STIL: variants seen among roughly 807,000 people sequenced by gnomAD.
The protein encoded by STIL is SCL-interrupting locus protein.
STIL carries 55 observed loss-of-function variants against 110.1 expected under a neutral mutation model. The ratio of observed to expected loss-of-function variants is 0.50; its 90% CI spans 0.40 to 0.63. The LOEUF (loss-of-function observed/expected upper bound fraction) is 0.63. Among genes scored for constraint, STIL ranks in the 20% least tolerant of loss-of-function variants. STIL has a pLI of 0.00. For missense variants in STIL, 1,358 were observed against 1,530.0 expected (o/e 0.89, Z 1.87); for synonymous variants, 481 against 530.0 (o/e 0.91, Z 1.27).
intron 2 of STIL, among the ~76,000 whole-genome samples, chr1:47,309,452 T>C (rs1557780046): frequency 6.6e-6 from 1 of 151,386 alleles, no homozygotes; most frequent in Non-Finnish European, 1.5e-5. Flanking sequence ...AAATAAGAGA[T>C]GGCAGGGGGG....
intron 16 of STIL, among the ~76,000 whole-genome samples, chr1:47,256,557 G>T (rs1026954309): frequency 6.7e-6 from 1 of 148,404 alleles, no homozygotes; most frequent in Non-Finnish European, 1.5e-5. Flanking sequence ...GGGGGCGGAG[G>T]TTGCAGTGAG....
chr1:47,294,470 A>G lies in STIL; in HGVS notation c.786-926T>C, dbSNP rs921251661. ...AAATATCATTAACTCAGATGGCTTG[A>G]GCCCAGGAGTTCCAGACCAGCCTGG... On this transcript the variant is annotated intron_variant, in intron 7 of 16. Transcript: ENST00000371877. Among the ~76,000 whole-genome samples the G allele has an allele frequency of 2.0e-5, 3 of 152,234 alleles. 1 individual carries two copies. The highest frequency in any genetic ancestry group is 7.2e-5 in the African/African-American group (3 of 41,458).
At position 47,258,992 on chromosome 1, in the gene STIL, C is replaced by CTTTTTTTTTTTTTTTTTTT. The variant is rs549227243; in HGVS notation, c.3080+1296_3080+1297insAAAAAAAAAAAAAAAAAAA. Among the ~76,000 whole-genome samples the CTTTTTTTTTTTTTTTTTTT allele has an allele frequency of 8.5e-4, 80 of 94,420 alleles. 22 individuals are homozygous for CTTTTTTTTTTTTTTTTTTT. Among genetic ancestry groups the CTTTTTTTTTTTTTTTTTTT allele is most frequent in the African/African-American group, 2.6e-3 (57 of 21,780 alleles). 61.9% of individuals were successfully genotyped at this position (94,420 alleles called of 152,430 possible). A position where few individuals can be genotyped will look rare whatever the true frequency, so the allele number is the denominator to read the frequency against. ...GAAATGGTTAAGAGAAGTAACTTTG[C>CTTTTTTTTTTTTTTTTTTT]TTTTTTTTTTTTTTGAGACAGTCTT... On this transcript the variant is annotated intron_variant, in intron 16 of 16. Coordinates refer to ENST00000371877, the MANE Select transcript of STIL (RefSeq NM_001048166.1).
intron 11 of STIL, 32 bp downstream of exon 11, chr1:47,282,313 C>G (rs747743475): frequency 6.9e-7 from 1 of 1,450,390 alleles, no homozygotes. Context: ...TCTCTAACCA[C>G]AAAAGTGAAT....
intron 16 of STIL, 128 bp downstream of exon 16, chr1:47,260,161 A>T: frequency 1.1e-6 from 1 of 942,504 alleles, no homozygotes; most frequent in Non-Finnish European, 1.6e-6. Context: ...GCACAAACGT[A>T]ACTTTTCTGA....
intron 8 of STIL, among the ~76,000 whole-genome samples, chr1:47,290,790 A>C (rs938549073): frequency 5.9e-5 from 9 of 152,190 alleles, no homozygotes; most frequent in African/African-American, 1.4e-4. Flanking sequence ...GAGGTTATAA[A>C]TCATTGGAAA....
chr1:47,309,052 CAAAAA>C (rs879818960), intron 2 of STIL, among the ~76,000 whole-genome samples: 1 of 113,358 alleles, frequency 8.8e-6, no homozygotes, highest in Admixed American at 9.2e-5. Flanking sequence ...ACTCTGTCTC[CAAAAA>C]AAAAAAAAAA....
At position 47,262,957 on chromosome 1, in the gene STIL, C is replaced by T; in HGVS notation, c.2775G>A (p.Met925Ile). ...CTGATGGTTGATGAAGCAAGGGTTG[C>T]ATTACATGCTCAATTTTTGGTTCCT... is the stretch of plus-strand genomic sequence containing the variant. The part of the protein sequence containing the change: ...TSEEPKIEHV[M>I]QPLLHQPSDN... Residue 925 changes from methionine (M) to isoleucine (I), a missense_variant, in exon 15 of 17, where the codon ATG (methionine) becomes ATA (isoleucine). By Grantham distance (10) the Met-to-Ile change is conservative (BLOSUM62 1). Coordinates refer to ENST00000371877, the MANE Select transcript of STIL (RefSeq NM_001048166.1). The T allele has an allele frequency of 1.2e-6, 2 of 1,614,126 alleles. No individual in the cohort carries two copies. The highest frequency in any genetic ancestry group is 1.7e-6 in the Non-Finnish European group (2 of 1,180,012).
Position 47,272,106 on chromosome 1 carries a change from T to C in STIL, c.2353A>G (p.Arg785Gly), listed in dbSNP as rs752877102. ...EAQSSPGLHM[R>G]KGVSIAVSTG... ...CTCACAGCAATGCTTACACCTTTTC[T>C]CATGTGCAAGCCAGGGGAAGACTGT... Residue 785 changes from arginine to glycine, a missense_variant, in exon 13 of 17, where the codon AGA becomes GGA. Coordinates refer to ENST00000371877, the MANE Select transcript of STIL (RefSeq NM_001048166.1). 6.2e-7 allele frequency: 1 copy of C among 1,614,050 alleles called. No individual in the cohort carries two copies. The highest frequency in any genetic ancestry group is 1.3e-5 in the African/African-American group (1 of 74,932).
chr1:47,254,220 A>C (rs1644267254), intron 16 of STIL, among the ~76,000 whole-genome samples: 2 of 148,942 alleles, frequency 1.3e-5, no homozygotes, highest in Admixed American at 6.7e-5. Flanking sequence ...AATTCTCTGA[A>C]ACCAGTGATG....
At chr1:47,262,880 T>G in intron 15 of STIL, 23 bp downstream of exon 15, 1 of 1,608,662 alleles carries the variant, frequency 6.2e-7, no homozygotes, top group Non-Finnish European at 8.5e-7. Flanking sequence ...CTCAAAAAGA[T>G]GAAATGCTCT....
chr1:47,280,763 A>G lies in STIL; in HGVS notation c.1695T>C (p.Leu565=). The G allele has an allele frequency of 6.2e-7, 1 of 1,613,972 alleles. No homozygotes were observed. ...AATCGTGTGGTTGGGACTGCGGGGC[A>G]AGAGAAGACTGCCTAGAATTAAGTG... The part of the protein sequence containing the change: ...PSTLNSRQSS[L]APQSQPHDFV... The change falls in exon 12 of 17, where the codon CTT becomes CTC. Residue 565 remains leucine (L), a synonymous_variant. Coordinates refer to ENST00000371877, the MANE Select transcript of STIL (RefSeq NM_001048166.1).
chr1:47,263,002 A>C lies in STIL; in HGVS notation c.2730T>G (p.Ser910Arg), dbSNP rs1644528700. The C allele has an allele frequency of 6.2e-7, 1 of 1,614,036 alleles. No individual in the cohort carries two copies. The highest frequency in any genetic ancestry group is 1.3e-5 in the African/African-American group (1 of 74,926). ...GTTCCTCTGATGTTTCAGAATTGTTACTGGCACCCCCTGTTGGTCCAGTCT... is the reference window on the plus strand; with the variant it reads ...GTTCCTCTGATGTTTCAGAATTGTTCCTGGCACCCCCTGTTGGTCCAGTCT... ...CLQTGPTGGASNNSETSEEPK... is the reference protein window; with the variant it reads ...CLQTGPTGGARNNSETSEEPK... Residue 910 changes from serine (S) to arginine (R), a missense_variant, in exon 15 of 17, where the codon AGT becomes AGG. By Grantham distance (110) the Ser-to-Arg change is moderately radical. Transcript: ENST00000371877.
chr1:47,251,569 T>A lies in STIL; in HGVS notation c.3434A>T (p.Asn1145Ile), dbSNP rs1271368812. The A allele has an allele frequency of 3.7e-6, 6 of 1,614,034 alleles. No homozygotes were observed. Among genetic ancestry groups the A allele is most frequent in the Middle Eastern group, 1.6e-4 (1 of 6,062 alleles). ...NSEDEEEPPD[N>I]ADSKSEYLLN... ...TAAATATTCACTCTTGCTATCTGCA[T>A]TGTCGGGAGGTTCCTCTTCATCTTC... Residue 1145 changes from asparagine to isoleucine, a missense_variant, in exon 17 of 17, where the codon AAT (asparagine) becomes ATT (isoleucine). Transcript: ENST00000371877.
Position 47,260,293 on chromosome 1 carries a change from C to T in STIL, c.3076G>A (p.Ala1026Thr), listed in dbSNP as rs767648577. ...VKKNAHNVDH[A>T]SVLACISPEA... ...AAACAAAATTTTAAAAGTTACCTGG[C>T]GTGATCCACGTTATGTGCATTTTTC... Residue 1026 changes from alanine to threonine, a missense_variant, in exon 16 of 17, where the codon GCC becomes ACC. Coordinates refer to ENST00000371877, the MANE Select transcript of STIL (RefSeq NM_001048166.1). The T allele has an allele frequency of 1.2e-5, 19 of 1,612,798 alleles. No individual in the cohort carries two copies. The highest frequency in any genetic ancestry group is 1.7e-5 in the Admixed American group (1 of 59,930).
intron 8 of STIL, among the ~76,000 whole-genome samples, chr1:47,291,697 C>T (rs1279495352): frequency 6.6e-6 from 1 of 152,068 alleles, no homozygotes; most frequent in Non-Finnish European, 1.5e-5. Flanking sequence ...TCCCGAGCAG[C>T]TGGGATTACC....
chr1:47,250,937 T>C lies in STIL; in HGVS notation c.*199A>G, dbSNP rs1028516391. ...GCTTTTCTTAAAGGTTTCAGTGATG[T>C]TGAACAGCTCTATTTGAACAATGAG... On this transcript the variant is annotated 3_prime_UTR_variant, in exon 17 of 17. Coordinates refer to ENST00000371877, the MANE Select transcript of STIL (RefSeq NM_001048166.1). 3.5e-6 allele frequency: 2 copies of C among 571,362 alleles called. No homozygotes were observed. The highest frequency in any genetic ancestry group is 2.3e-5 in the South Asian group (1 of 43,120). 35.4% of individuals were successfully genotyped at this position (571,362 alleles called of 1,614,324 possible). A position where few individuals can be genotyped will look rare whatever the true frequency, so the allele number is the denominator to read the frequency against.
chr1:47,298,567 C>T (rs1051049398), intron 6 of STIL, among the ~76,000 whole-genome samples: 5 of 151,706 alleles, frequency 3.3e-5, no homozygotes, highest in African/African-American at 1.2e-4. Context: ...ACAGTTAAAA[C>T]CACATACTAT....
In STIL at chr1:47,250,988, A is replaced by T. The variant is rs1192538951; in HGVS notation, c.*148T>A. On this transcript the variant is annotated 3_prime_UTR_variant, in exon 17 of 17. Coordinates refer to ENST00000371877, the MANE Select transcript of STIL (RefSeq NM_001048166.1). ...AACTTAGTCCTATCACCAGCCAGCC[A>T]TCTCACAGAAGTCACTCTTCCCAAT... 7.2e-6 allele frequency: 5 copies of T among 695,004 alleles called. No individual in the cohort carries two copies. The Admixed American group carries it at 1.2e-4, about 17-fold the overall frequency. The allele number at this position is 695,004 out of a possible 1,614,324, so 43.1% of individuals were successfully genotyped here. A position where few individuals can be genotyped will look rare whatever the true frequency, so the allele number is the denominator to read the frequency against.
Sources: allele counts gnomAD v4.1 joint callset (sites outside exome capture counted in the v4.1 genomes callset), GRCh38; gene constraint gnomAD v4.1.1; transcripts MANE v1.5; gene names NCBI Gene and HGNC (gene_info 2026-07-23, HGNC 2026-07-21).